Variants in CPNE4 observed in about 807,000 individuals in gnomAD.
CPNE4 encodes copine-4.
In CPNE4, 25 loss-of-function variants were observed where a neutral mutation model predicts 67.9. The ratio of observed to expected loss-of-function variants is 0.37; its 90% confidence interval spans 0.27 to 0.51. The LOEUF (loss-of-function observed/expected upper bound fraction) is 0.51, where lower values mean the gene tolerates loss of function less well. Ranked by LOEUF, CPNE4 falls within the 20% of genes least tolerant of loss-of-function variation. The pLI, the probability that CPNE4 is intolerant of heterozygous loss-of-function variation, is 0.93. For synonymous variants in CPNE4, 242 were observed against 244.9 expected, an observed-to-expected ratio of 0.99 and a Z score of 0.11; for missense variants, 464 against 690.8, an observed-to-expected ratio of 0.67 and a Z score of 3.68.
chr3:131,676,307 C>T lies in CPNE4; in HGVS notation c.592-6543G>A, dbSNP rs532247230. Among the ~76,000 whole-genome samples, 40 of 152,188 alleles carry T rather than the reference C, an allele frequency of 2.6e-4. 1 individual carries two copies. In the South Asian group the frequency reaches 3.5e-3, roughly 13 times the overall value. The stretch of plus-strand genomic sequence containing the variant: ...CTCCTGGTCTCAAGTGATCTGCCTG[C>T]TTTGGCCCCCCAAAGTCCTGGGATT... On this transcript the variant is annotated intron_variant, in intron 6 of 15. Coordinates refer to ENST00000429747, the MANE Select transcript of CPNE4 (RefSeq NM_130808.3).
intron 6 of CPNE4, among the ~76,000 whole-genome samples, chr3:131,674,947 T>C (rs1424363322): frequency 2.0e-5 from 3 of 152,038 alleles, no homozygotes; most frequent in African/African-American, 7.2e-5. Flanking sequence ...TAGGCATTTG[T>C]AGCTATCAAC....
intron 2 of CPNE4, among the ~76,000 whole-genome samples, chr3:131,899,188 T>G (rs1249160160): frequency 6.6e-6 from 1 of 152,064 alleles, no homozygotes; most frequent in African/African-American, 2.4e-5. Context: ...GAGTGTAGTC[T>G]AAACTCAAAC....
At position 131,766,734 on chromosome 3, in the gene CPNE4, G is replaced by GA. The variant is rs200580677; in HGVS notation, c.181-43110dup. Among the ~76,000 whole-genome samples the GA allele has an allele frequency of 1.9e-3, 289 of 151,776 alleles. 2 individuals are homozygous for GA. The highest frequency in any genetic ancestry group is 5.7e-3 in the African/African-American group (234 of 41,402). On this transcript the variant is annotated intron_variant, in intron 2 of 15. Transcript: ENST00000429747. ...GCCGTACAAAATGCTCGTTATATTA[G>GA]AAAAAAAACAGATAAAAATCATATA...
intron 1 of CPNE4, among the ~76,000 whole-genome samples, chr3:132,019,045 T>C (rs908356346): frequency 6.6e-6 from 1 of 152,222 alleles, no homozygotes; most frequent in African/African-American, 2.4e-5. Flanking sequence ...TTAATCACTC[T>C]TCACATATGG....
chr3:131,627,055 C>T lies in CPNE4; in HGVS notation c.682-39473G>A, dbSNP rs1366801288. 3.3e-5 allele frequency among the ~76,000 whole-genome samples: 5 copies of T among 151,520 alleles called. No homozygotes were observed. The South Asian group carries it at 6.3e-4, about 19-fold the overall frequency. On this transcript the variant is annotated intron_variant, in intron 7 of 15. Transcript: ENST00000429747. The stretch of plus-strand genomic sequence containing the variant: ...TAAAAACACAAAAATTAGCCAGGTG[C>T]GGTGGTGGGCGCCTGTAATCCCAGC...
At chr3:131,718,911 C>G (rs923305761) in intron 3 of CPNE4, among the ~76,000 whole-genome samples, 1 of 152,300 alleles carries the variant, frequency 6.6e-6, no homozygotes, top group African/African-American at 2.4e-5. Context: ...TGAATGAAAT[C>G]TATAGTGTTA....
intron 5 of CPNE4, among the ~76,000 whole-genome samples, chr3:131,690,527 AC>A (rs2081010916): frequency 6.6e-6 from 1 of 152,194 alleles, no homozygotes; most frequent in East Asian, 1.9e-4. Context: ...TTCACCATAT[AC>A]AAAAATTAAT....
intron 1 of CPNE4, among the ~76,000 whole-genome samples, chr3:131,957,737 G>A (rs926097409): frequency 1.3e-5 from 2 of 152,200 alleles, no homozygotes; most frequent in African/African-American, 4.8e-5. Flanking sequence ...GTTGCACACA[G>A]CCTCTGTATT....
rs145287851 is a variant in CPNE4 at position 131,968,891 on chromosome 3, T to C, written c.-1-63447A>G. Among the ~76,000 whole-genome samples, 507 of 152,264 alleles carry C rather than the reference T, an allele frequency of 3.3e-3. 4 individuals carry two copies. The highest frequency in any genetic ancestry group is 0.011 in the African/African-American group (472 of 41,528). ...CAAAGGATTATAAATCATTCCACTATAAAGAACATGCACACATATGTTTAT... is the reference window on the plus strand; with the variant it reads ...CAAAGGATTATAAATCATTCCACTACAAAGAACATGCACACATATGTTTAT... On this transcript the variant is annotated intron_variant, in intron 1 of 15. Coordinates refer to ENST00000429747, the MANE Select transcript of CPNE4 (RefSeq NM_130808.3).
intron 1 of CPNE4, among the ~76,000 whole-genome samples, chr3:131,939,163 G>A (rs2071312363): frequency 6.6e-6 from 1 of 152,100 alleles, no homozygotes; most frequent in African/African-American, 2.4e-5. Context: ...ATTCATCACA[G>A]CAATATTTGA....
At chr3:131,696,723 T>C (rs1219471533) in intron 4 of CPNE4, 107 bp from the exon 5 acceptor site, 1 of 992,316 alleles carries the variant, frequency 1.0e-6, no homozygotes, top group Non-Finnish European at 1.6e-6. Context: ...CAAAGACAAA[T>C]GTTGGGCAAA....
intron 2 of CPNE4, among the ~76,000 whole-genome samples, chr3:131,873,275 G>A (rs1218152885): frequency 6.6e-6 from 1 of 152,160 alleles, no homozygotes; most frequent in East Asian, 1.9e-4. Flanking sequence ...TTAATTCCTA[G>A]TGAATGATTC....
chr3:131,960,257 T>G (rs889381336), intron 1 of CPNE4, among the ~76,000 whole-genome samples: 1 of 152,238 alleles, frequency 6.6e-6, no homozygotes, highest in African/African-American at 2.4e-5. Context: ...TTTTATGATA[T>G]GTTTGATTTA....
Position 131,999,241 on chromosome 3 carries a change from T to TAAAAAAAAAAAAAAAAAAAAAAAAAAAAA in CPNE4, c.-2+35325_-2+35326insTTTTTTTTTTTTTTTTTTTTTTTTTTTTT, listed in dbSNP as rs79127364. On this transcript the variant is annotated intron_variant, in intron 1 of 15. Transcript: ENST00000429747. ...CTCAATTATAGGTATTTATCCAAGG[T>TAAAAAAAAAAAAAAAAAAAAAAAAAAAAA]AAAAAAAAAAAAAAAAAAAAAAAGA... Among the ~76,000 whole-genome samples the TAAAAAAAAAAAAAAAAAAAAAAAAAAAAA allele has an allele frequency of 4.0e-5, 4 of 98,834 alleles. 1 individual carries two copies. Among genetic ancestry groups the TAAAAAAAAAAAAAAAAAAAAAAAAAAAAA allele is most frequent in the African/African-American group, 1.6e-4 (3 of 18,684 alleles). The allele number at this position is 98,834 out of a possible 152,430, so 64.8% of individuals were successfully genotyped here.
intron 1 of CPNE4, among the ~76,000 whole-genome samples, chr3:131,976,456 G>C (rs942541371): frequency 6.6e-6 from 1 of 152,072 alleles, no homozygotes; most frequent in African/African-American, 2.4e-5. Flanking sequence ...AAAGACTTTG[G>C]TTTTTATTAT....
chr3:131,769,789 A>G (rs2083117614), intron 2 of CPNE4, among the ~76,000 whole-genome samples: 2 of 152,122 alleles, frequency 1.3e-5, no homozygotes, highest in South Asian at 4.1e-4. Context: ...GGGTTGAACT[A>G]TGAGTGATTT....
chr3:131,748,690 T>G (rs1408702077), intron 2 of CPNE4, among the ~76,000 whole-genome samples: 1 of 152,142 alleles, frequency 6.6e-6, no homozygotes, highest in Non-Finnish European at 1.5e-5. Flanking sequence ...CATTGTCAAA[T>G]GCCAAATGTC....
At chr3:131,750,196 G>A (rs926761514) in intron 2 of CPNE4, among the ~76,000 whole-genome samples, 3 of 152,048 alleles carry the variant, frequency 2.0e-5, no homozygotes, top group African/African-American at 7.2e-5. Context: ...TCAAACTATA[G>A]CACCTATCTG....
chr3:131,760,762 G>C (rs1332981395), intron 2 of CPNE4, among the ~76,000 whole-genome samples: 1 of 152,086 alleles, frequency 6.6e-6, no homozygotes, highest in Non-Finnish European at 1.5e-5. Context: ...TTAAATACGT[G>C]ACACTTTTTC....
Sources: gnomAD v4.1 joint callset for allele counts (sites outside exome capture counted in the v4.1 genomes callset) on GRCh38, gnomAD v4.1.1 for gene constraint, MANE v1.5 for transcripts, NCBI Gene and HGNC (gene_info 2026-07-23, HGNC 2026-07-21) for gene names.